The following KAZN variants were observed in gnomAD, a reference collection of about 807,000 sequenced individuals.
KAZN encodes the protein kazrin, periplakin interacting protein, also known as kazrin.
Under a neutral mutation model 87.4 loss-of-function variants are expected in KAZN, and 40 were observed. That is an observed-to-expected ratio of 0.46 (90% CI 0.36 to 0.60). The LOEUF (loss-of-function observed/expected upper bound fraction) is 0.60. Ranked by LOEUF, KAZN falls within the 20% of genes least tolerant of loss-of-function variation. KAZN has a pLI of 0.00. For synonymous variants in KAZN, 466 were observed against 458.3 expected (o/e 1.02, Z -0.22); for missense variants, 898 against 1,073.9 (o/e 0.84, Z 2.29).
chr1:14,532,178 C>T (rs966555849), intron 2 of KAZN, among the ~76,000 whole-genome samples: 2 of 152,052 alleles, frequency 1.3e-5, no homozygotes, highest in African/African-American at 4.8e-5. Flanking sequence ...TCTTTCTTTC[C>T]CAGCTGCTTC....
At chr1:14,930,426 A>G (rs1441606862) in intron 1 of KAZN, among the ~76,000 whole-genome samples, 1 of 152,208 alleles carries the variant, frequency 6.6e-6, no homozygotes, top group Admixed American at 6.5e-5. Context: ...CCCTCACAGC[A>G]CAGCCTCAGC....
At chr1:14,787,096 G>A (rs1474740226) in intron 1 of KAZN, among the ~76,000 whole-genome samples, 1 of 152,208 alleles carries the variant, frequency 6.6e-6, no homozygotes, top group African/African-American at 2.4e-5. Flanking sequence ...GACAGAATGG[G>A]CCAGTGGTTA....
At chr1:14,212,914 A>G (rs765207991) in intron 2 of KAZN, among the ~76,000 whole-genome samples, 1 of 152,240 alleles carries the variant, frequency 6.6e-6, no homozygotes, top group Admixed American at 6.5e-5. Context: ...ATTAAAGAGG[A>G]TACCAATGAT....
chr1:15,090,805 G>A (rs904044416), intron 8 of KAZN, among the ~76,000 whole-genome samples: 18 of 152,332 alleles, frequency 1.2e-4, no homozygotes, highest in African/African-American at 4.3e-4. Context: ...AGCCCACAGA[G>A]GAGGCAGGCA....
intron 2 of KAZN, among the ~76,000 whole-genome samples, chr1:14,470,932 A>C (rs1348220016): frequency 6.6e-6 from 1 of 152,142 alleles, no homozygotes; most frequent in African/African-American, 2.4e-5. Context: ...AGCCAGCTGC[A>C]TGTTGTGAGG....
intron 2 of KAZN, among the ~76,000 whole-genome samples, chr1:14,556,859 C>A (rs1673913569): frequency 6.6e-6 from 1 of 152,190 alleles, no homozygotes; most frequent in South Asian, 2.1e-4. Context: ...TAGTGCCCAA[C>A]TTTAAATATT....
chr1:14,577,745 T>C lies in KAZN; in HGVS notation c.250-21238T>C, dbSNP rs930839327. ...ATTCCCTTCCCAATCGTGATAGTGA[T>C]CATTGCATTCCTGACCATTGACAAA... On this transcript the variant is annotated intron_variant, in intron 2 of 16. Transcript: ENST00000636203. 7.9e-5 allele frequency among the ~76,000 whole-genome samples: 12 copies of C among 152,314 alleles called. 1 individual carries two copies. The highest frequency in any genetic ancestry group is 2.9e-4 in the African/African-American group (12 of 41,572).
chr1:15,012,442 A>G (rs12022554), intron 2 of KAZN, among the ~76,000 whole-genome samples: 10,308 of 152,122 alleles, frequency 0.068, 713 homozygotes, highest in East Asian at 0.35. Flanking sequence ...AACAGTTGGT[A>G]CCTCACCGCT....
At chr1:14,105,634 T>C (rs61775678) in intron 1 of KAZN, among the ~76,000 whole-genome samples, 22,418 of 152,282 alleles carry the variant, frequency 0.15, 2,195 homozygotes, top group Middle Eastern at 0.26. Flanking sequence ...GACAAGCATC[T>C]ACTTGGTTTT....
At chr1:14,256,209 G>C (rs921943336) in intron 2 of KAZN, among the ~76,000 whole-genome samples, 3 of 152,082 alleles carry the variant, frequency 2.0e-5, no homozygotes, top group Non-Finnish European at 4.4e-5. Context: ...CGGTGCGTTG[G>C]AGTTGCTGAG....
intron 1 of KAZN, among the ~76,000 whole-genome samples, chr1:13,991,930 G>A (rs12030429): frequency 0.14 from 20,982 of 152,016 alleles, 1,578 homozygotes; most frequent in Middle Eastern, 0.2. Context: ...GTCTGTCTCC[G>A]TCTTTATCGT....
intron 1 of KAZN, among the ~76,000 whole-genome samples, chr1:14,860,262 G>T (rs1192336501): frequency 6.6e-6 from 1 of 151,778 alleles, no homozygotes; most frequent in Admixed American, 6.6e-5. Flanking sequence ...CGTGATCTCA[G>T]TTCACTGCAA....
chr1:14,063,078 T>C (rs1642859566), intron 1 of KAZN, among the ~76,000 whole-genome samples: 1 of 152,238 alleles, frequency 6.6e-6, no homozygotes, highest in Non-Finnish European at 1.5e-5. Flanking sequence ...AATTCCAAAT[T>C]ACTGACATGT....
chr1:14,686,938 TTTC>T (rs138066592), intron 1 of KAZN, among the ~76,000 whole-genome samples: 18 of 151,396 alleles, frequency 1.2e-4, no homozygotes, highest in African/African-American at 4.4e-4. Flanking sequence ...GCTGGCTGGG[TTTC>T]TTCTTCTGTT....
At chr1:14,722,420 C>T (rs553308882) in intron 1 of KAZN, among the ~76,000 whole-genome samples, 2 of 152,096 alleles carry the variant, frequency 1.3e-5, no homozygotes, top group African/African-American at 4.8e-5. Context: ...ATAAAAAATT[C>T]AATTTAAAAC....
At position 15,103,451 on chromosome 1, in the gene KAZN, C is replaced by A; in HGVS notation, c.1872C>A (p.Ile624=). Residue 624 remains isoleucine (I), a synonymous_variant, in exon 12 of 15, where the codon ATC becomes ATA. Transcript: ENST00000376030. The part of the protein sequence containing the change: ...NQRVLKWVRD[I]DLKEYADNLT... ...GGGTGCTCAAGTGGGTTCGAGACAT[C>A]GACCTGAAGGTGAGGGTGATAGCGG... 6.5e-7 allele frequency: 1 copy of A among 1,548,594 alleles called. No homozygotes were observed. Among genetic ancestry groups the A allele is most frequent in the South Asian group, 1.2e-5 (1 of 84,050 alleles).
intron 1 of KAZN, among the ~76,000 whole-genome samples, chr1:13,988,787 A>C (rs1199409854): frequency 6.6e-6 from 1 of 152,194 alleles, no homozygotes; most frequent in African/African-American, 2.4e-5. Context: ...GCAATTCTTA[A>C]TATGTTTTGG....
intron 1 of KAZN, among the ~76,000 whole-genome samples, chr1:14,956,128 T>A (rs562210568): frequency 1.3e-5 from 2 of 152,264 alleles, no homozygotes; most frequent in South Asian, 4.1e-4. Flanking sequence ...GCAGCATACA[T>A]GACAACTGAG....
intron 1 of KAZN, among the ~76,000 whole-genome samples, chr1:13,974,541 G>A (rs1235330838): frequency 6.6e-6 from 1 of 152,172 alleles, no homozygotes; most frequent in African/African-American, 2.4e-5. Context: ...GTCCTCATAA[G>A]AGACAAGTAT....
Sources: gnomAD v4.1 joint callset for allele counts (sites outside exome capture counted in the v4.1 genomes callset) on GRCh38, gnomAD v4.1.1 for gene constraint, MANE v1.5 for transcripts, NCBI Gene and HGNC (gene_info 2026-07-23, HGNC 2026-07-21) for gene names.